Variants in SPATA17 observed in about 807,000 individuals in gnomAD.
The protein encoded by SPATA17 is spermatogenesis-associated protein 17.
In SPATA17, 53 loss-of-function variants were observed where a neutral mutation model predicts 62.2. That is an observed-to-expected ratio of 0.85 (90% CI 0.68 to 1.07). The LOEUF is 1.07. SPATA17 is among the 50% of genes least tolerant of loss of function. The pLI is 0.00. For synonymous variants in SPATA17, 146 were observed against 146.8 expected (o/e 0.99, Z 0.04); for missense variants, 466 against 425.5 (o/e 1.10, Z -0.84).
intron 9 of SPATA17, among the ~76,000 whole-genome samples, chr1:217,804,459 AG>A (rs1674385072): frequency 1.3e-5 from 2 of 152,206 alleles, no homozygotes; most frequent in Non-Finnish European, 1.5e-5. Flanking sequence ...ATAGGAAAAA[AG>A]CTTCTTGACA....
rs570070196 is a variant in SPATA17, at chr1:217,792,152, A to G, written c.873-9566A>G. 1.4e-3 allele frequency among the ~76,000 whole-genome samples: 218 copies of G among 152,270 alleles called. 1 individual carries two copies. The highest frequency in any genetic ancestry group is 2.7e-3 in the Non-Finnish European group (181 of 68,004). On this transcript the variant is annotated intron_variant, in intron 8 of 10. Coordinates refer to ENST00000366933, the MANE Select transcript of SPATA17 (RefSeq NM_138796.4). The stretch of plus-strand genomic sequence containing the variant: ...TTAGGCTGCATGTGGCCCACGGCGC[A>G]TGGGTTAGACAAGTTTGCTATAAAC...
chr1:217,791,124 C>T (rs1673988098), intron 8 of SPATA17, among the ~76,000 whole-genome samples: 1 of 152,202 alleles, frequency 6.6e-6, no homozygotes, highest in Non-Finnish European at 1.5e-5. Flanking sequence ...ATTTATTAAT[C>T]AGCAGAGCCT....
intron 3 of SPATA17, among the ~76,000 whole-genome samples, chr1:217,667,567 A>G (rs1670727615): frequency 6.6e-6 from 1 of 152,156 alleles, no homozygotes; most frequent in Non-Finnish European, 1.5e-5. Context: ...GTTCACGGCC[A>G]CACAGCTGTT....
chr1:217,825,019 G>T (rs1674955603), intron 9 of SPATA17, among the ~76,000 whole-genome samples: 1 of 147,080 alleles, frequency 6.8e-6, no homozygotes, highest in South Asian at 2.1e-4. Flanking sequence ...ATGAATATTT[G>T]CATTCATATA....
intron 6 of SPATA17, among the ~76,000 whole-genome samples, chr1:217,773,845 C>G (rs1010780794): frequency 3.9e-5 from 6 of 151,994 alleles, no homozygotes; most frequent in African/African-American, 1.2e-4. Flanking sequence ...GATAGTTGCC[C>G]TTAGTTTACG....
At chr1:217,864,292 A>T (rs1194483166) in intron 10 of SPATA17, among the ~76,000 whole-genome samples, 1 of 152,194 alleles carries the variant, frequency 6.6e-6, no homozygotes, top group African/African-American at 2.4e-5. Flanking sequence ...ATAATGAAAG[A>T]TTGAAAATAA....
At chr1:217,862,654 G>T (rs568230679) in intron 9 of SPATA17, 120 bp from the exon 10 acceptor site, 2 of 725,114 alleles carry the variant, frequency 2.8e-6, no homozygotes, top group East Asian at 2.7e-5. Flanking sequence ...AGTATAATGG[G>T]AAATTTGAAG....
At chr1:217,742,132 C>G in intron 6 of SPATA17, 34 bp downstream of exon 6, 1 of 1,611,008 alleles carries the variant, frequency 6.2e-7, no homozygotes, top group Non-Finnish European at 8.5e-7. Context: ...CTCCTGTAAG[C>G]CACTTGGGCC....
chr1:217,723,936 C>T (rs912975062), intron 5 of SPATA17, among the ~76,000 whole-genome samples: 1 of 152,224 alleles, frequency 6.6e-6, no homozygotes, highest in Non-Finnish European at 1.5e-5. Context: ...TGTCTGCTGC[C>T]ACCCCTGTCC....
chr1:217,688,046 G>GA (rs1185504779), intron 5 of SPATA17, among the ~76,000 whole-genome samples: 1 of 151,926 alleles, frequency 6.6e-6, no homozygotes, highest in Non-Finnish European at 1.5e-5. Context: ...CAGCTTCATT[G>GA]AAAATTGAAC....
At chr1:217,684,456 G>A (rs144866035) in intron 5 of SPATA17, among the ~76,000 whole-genome samples, 6 of 151,318 alleles carry the variant, frequency 4.0e-5, no homozygotes, top group African/African-American at 7.3e-5. Flanking sequence ...CCTCTGTCAC[G>A]CAGGCTGGAG....
chr1:217,748,313 A>C (rs1672815772), intron 6 of SPATA17, among the ~76,000 whole-genome samples: 1 of 151,778 alleles, frequency 6.6e-6, no homozygotes, highest in African/African-American at 2.4e-5. Flanking sequence ...AAAAAAAAAA[A>C]AAAAAATTAA....
chr1:217,670,648 G>A lies in SPATA17; in HGVS notation c.291+1565G>A, dbSNP rs367845472. 2.4e-4 allele frequency among the ~76,000 whole-genome samples: 36 copies of A among 152,216 alleles called. No homozygotes were observed. The South Asian group carries it at 6.2e-3, about 26-fold the overall frequency. On this transcript the variant is annotated intron_variant, in intron 4 of 10. Transcript: ENST00000366933. ...TCTTGTGATCCTGGAAAACAACAAAGGTTAAGAAATTCCCACACCTGGCCG... is the reference window on the plus strand; with the variant it reads ...TCTTGTGATCCTGGAAAACAACAAAAGTTAAGAAATTCCCACACCTGGCCG...
chr1:217,861,401 A>ATATATG, intron 9 of SPATA17, among the ~76,000 whole-genome samples: 1 of 147,940 alleles, frequency 6.8e-6, no homozygotes, highest in Admixed American at 6.8e-5. Flanking sequence ...ATATATATAT[A>ATATATG]TATTTATAAA....
chr1:217,789,220 G>A (rs1367484773), intron 8 of SPATA17, among the ~76,000 whole-genome samples: 1 of 152,140 alleles, frequency 6.6e-6, no homozygotes, highest in African/African-American at 2.4e-5. Context: ...TTCAGAGTAG[G>A]TGAAATGAGA....
At chr1:217,855,292 T>A (rs1033371548) in intron 9 of SPATA17, among the ~76,000 whole-genome samples, 4 of 152,210 alleles carry the variant, frequency 2.6e-5, no homozygotes, top group Non-Finnish European at 4.4e-5. Context: ...CATCTTTGTA[T>A]ATGAAAATAA....
At chr1:217,734,432 G>C (rs1672465411) in intron 5 of SPATA17, among the ~76,000 whole-genome samples, 1 of 152,044 alleles carries the variant, frequency 6.6e-6, no homozygotes, top group Non-Finnish European at 1.5e-5. Flanking sequence ...TGAGCTCCTG[G>C]GTGCAAGTGA....
Position 217,700,881 on chromosome 1 carries a change from C to T in SPATA17, c.395+17520C>T, listed in dbSNP as rs561212753. 6.7e-5 allele frequency among the ~76,000 whole-genome samples: 10 copies of T among 150,050 alleles called. No homozygotes were observed. The East Asian group carries it at 7.9e-4, about 12-fold the overall frequency. On this transcript the variant is annotated intron_variant, in intron 5 of 10. Transcript: ENST00000366933. Reference sequence around the variant, plus strand: ...TCAGTCTCCCAAAGTGCTGGGATTACGGTTATGAGGCACCGCACCCAGACT... The same window carrying T: ...TCAGTCTCCCAAAGTGCTGGGATTATGGTTATGAGGCACCGCACCCAGACT...
chr1:217,664,772 A>C (rs1283575621), intron 3 of SPATA17, among the ~76,000 whole-genome samples: 2 of 152,312 alleles, frequency 1.3e-5, no homozygotes, highest in East Asian at 3.9e-4. Context: ...AAAGAAGTTC[A>C]TCCTACTGGT....
Sources: allele counts gnomAD v4.1 joint callset (sites outside exome capture counted in the v4.1 genomes callset), GRCh38; gene constraint gnomAD v4.1.1; transcripts MANE v1.5; gene names NCBI Gene and HGNC (gene_info 2026-07-23, HGNC 2026-07-21).